Variants in ARB2A observed in about 807,000 individuals in gnomAD.
ARB2A encodes the protein cotranscriptional regulator ARB2A.
chr5:93,895,025 T>C, the ARB2A span, among the ~76,000 whole-genome samples: 2 of 152,130 alleles, frequency 1.3e-5, no homozygotes, highest in Non-Finnish European at 2.9e-5. Flanking sequence ...AGGAAGGGAA[T>C]TGATAATAAA....
chr5:94,016,322 G>C, the ARB2A span, among the ~76,000 whole-genome samples: 1 of 152,188 alleles, frequency 6.6e-6, no homozygotes, highest in Non-Finnish European at 1.5e-5. Context: ...CTTAACTAAA[G>C]TATTATGAAA....
At chr5:94,087,909 T>G in the ARB2A span, among the ~76,000 whole-genome samples, 1 of 152,206 alleles carries the variant, frequency 6.6e-6, no homozygotes, top group African/African-American at 2.4e-5. Context: ...AACATCTAGG[T>G]GTGTGTAAGT....
chr5:93,646,893 G>A, the ARB2A span, among the ~76,000 whole-genome samples: 1 of 152,036 alleles, frequency 6.6e-6, no homozygotes, highest in Non-Finnish European at 1.5e-5. Context: ...GTTACCACTT[G>A]AACATCCTTT....
the ARB2A span, among the ~76,000 whole-genome samples, chr5:93,846,436 A>G: frequency 8.6e-5 from 13 of 151,910 alleles, no homozygotes; most frequent in African/African-American, 3.1e-4. Flanking sequence ...CAGGAATTCC[A>G]GGCTGCAGAG....
the ARB2A span, among the ~76,000 whole-genome samples, chr5:93,649,987 A>G: frequency 6.6e-6 from 1 of 152,212 alleles, no homozygotes; most frequent in Non-Finnish European, 1.5e-5. Context: ...TCAACAACTC[A>G]TCATTCACAA....
chr5:93,974,812 C>A, the ARB2A span, among the ~76,000 whole-genome samples: 1 of 152,138 alleles, frequency 6.6e-6, no homozygotes, highest in South Asian at 2.1e-4. Context: ...AAATAGAAAT[C>A]AACACCATGA....
At chr5:93,860,159 G>A in the ARB2A span, among the ~76,000 whole-genome samples, 2 of 152,180 alleles carry the variant, frequency 1.3e-5, no homozygotes, top group East Asian at 1.9e-4. Context: ...CGGGTGTTGT[G>A]GCACACACCT....
the ARB2A span, among the ~76,000 whole-genome samples, chr5:93,881,980 C>T: frequency 6.6e-6 from 1 of 150,878 alleles, no homozygotes; most frequent in Non-Finnish European, 1.5e-5. Context: ...TCTCAGAACC[C>T]AAAAATGACT....
At chr5:93,740,370 A>G in the ARB2A span, 5 of 557,826 alleles carry the variant, frequency 9.0e-6, no homozygotes, top group African/African-American at 9.3e-5. Context: ...CAAAGGGAAA[A>G]CACAAAACTG....
the ARB2A span, among the ~76,000 whole-genome samples, chr5:93,912,603 C>A: frequency 2.0e-5 from 3 of 151,256 alleles, no homozygotes; most frequent in South Asian, 6.2e-4. Context: ...TTATTTTGGT[C>A]CCAAAAAAGG....
chr5:93,834,382 G>A, the ARB2A span, among the ~76,000 whole-genome samples: 20 of 152,110 alleles, frequency 1.3e-4, no homozygotes, highest in East Asian at 1.2e-3. Context: ...ATATGAACTC[G>A]ATTTCTGAAA....
the ARB2A span, among the ~76,000 whole-genome samples, chr5:94,096,428 T>C: frequency 6.6e-6 from 1 of 152,190 alleles, no homozygotes; most frequent in Non-Finnish European, 1.5e-5. Context: ...TCTTTTCTAC[T>C]GTTTTCTTAT....
chr5:94,015,106 C>G, the ARB2A span, among the ~76,000 whole-genome samples: 1 of 151,904 alleles, frequency 6.6e-6, no homozygotes, highest in Non-Finnish European at 1.5e-5. Context: ...AATAATCTAA[C>G]TGTCAAAAGT....
chr5:93,982,722 G>A, the ARB2A span, among the ~76,000 whole-genome samples: 2 of 152,040 alleles, frequency 1.3e-5, no homozygotes, highest in East Asian at 3.9e-4. Context: ...TAAATACTGT[G>A]GGCAACTGTG....
chr5:93,947,430 A>AT, the ARB2A span, among the ~76,000 whole-genome samples: 2 of 151,610 alleles, frequency 1.3e-5, no homozygotes, highest in African/African-American at 2.4e-5. Context: ...ATTATCTTTT[A>AT]TTTTTTATTT....
chr5:93,776,141 C>A, the ARB2A span: 3 of 1,578,364 alleles, frequency 1.9e-6, no homozygotes, highest in Non-Finnish European at 2.6e-6. Context: ...AATCATATAT[C>A]TCTCATCAAA....
At chr5:93,870,482 GA>G in the ARB2A span, among the ~76,000 whole-genome samples, 4 of 152,264 alleles carry the variant, frequency 2.6e-5, no homozygotes, top group East Asian at 1.9e-4. Context: ...TTCAGCTCCA[GA>G]AAAGAGGCAA....
the ARB2A span, among the ~76,000 whole-genome samples, chr5:93,985,968 A>G: frequency 1.6e-5 from 2 of 123,756 alleles, no homozygotes; most frequent in South Asian, 2.7e-4. Context: ...CATCCCATCT[A>G]GGAAGTGAGG....
the ARB2A span, among the ~76,000 whole-genome samples, chr5:93,743,945 C>T: frequency 2.0e-5 from 3 of 152,220 alleles, no homozygotes; most frequent in South Asian, 6.2e-4. Flanking sequence ...GGATTTCAGG[C>T]ATGAGCCATC....
Sources: gnomAD v4.1 joint callset for allele counts (sites outside exome capture counted in the v4.1 genomes callset) on GRCh38, gnomAD v4.1.1 for gene constraint, MANE v1.5 for transcripts, NCBI Gene and HGNC (gene_info 2026-07-23, HGNC 2026-07-21) for gene names.